The following CCSER2 variants were observed in gnomAD, a reference collection of about 807,000 sequenced individuals.
CCSER2 encodes serine-rich coiled-coil domain-containing protein 2.
Under a neutral mutation model 92.3 loss-of-function variants are expected in CCSER2, and 46 were observed. That is an observed-to-expected ratio of 0.50 (90% CI 0.39 to 0.64). The LOEUF is 0.64. CCSER2 is among the 30% of genes least tolerant of loss of function. CCSER2 has a pLI of 0.00. For missense variants in CCSER2, 1,244 were observed against 1,238.9 expected (o/e 1.00, Z -0.06); for synonymous variants, 433 against 431.4 (o/e 1.00, Z -0.04).
chr10:84,505,436 A>G (rs1428302731), intron 9 of CCSER2, among the ~76,000 whole-genome samples: 1 of 152,158 alleles, frequency 6.6e-6, no homozygotes, highest in Non-Finnish European at 1.5e-5. Flanking sequence ...CATGCTCATA[A>G]TGTATAAATT....
In CCSER2 at chr10:84,425,893, G is replaced by T. The variant is rs367802673; in HGVS notation, c.1868G>T (p.Arg623Ile). Reference protein sequence around the residue: ...YHHHGKSDLSRGSPYRESPLG... With the variant: ...YHHHGKSDLSIGSPYRESPLG... Reference sequence around the variant, plus strand: ...CACCATGGAAAAAGTGACTTGAGCAGGTAAGTACTGTTCTGACTTAGATTT... The same window carrying T: ...CACCATGGAAAAAGTGACTTGAGCATGTAAGTACTGTTCTGACTTAGATTT... Residue 623 changes from arginine to isoleucine, a missense_variant and splice_region_variant, in exon 5 of 10, where the codon AGA becomes ATA. Transcript: ENST00000372088. The T allele has an allele frequency of 2.7e-5, 43 of 1,578,746 alleles. No individual in the cohort carries two copies. Among genetic ancestry groups the T allele is most frequent in the Non-Finnish European group, 3.5e-5 (40 of 1,158,984 alleles).
intron 3 of CCSER2, chr10:84,391,230 A>T: frequency 8.1e-7 from 1 of 1,240,988 alleles, no homozygotes; most frequent in Non-Finnish European, 1.2e-6. Context: ...CAATGAGGAA[A>T]ACTTGCCCAA....
rs149221387 is a variant in CCSER2, at chr10:84,490,566, C to T, written c.2325+12902C>T. ...AAGCTTGTGCATTCGTCACGTAGTT[C>T]TCGTGCCATGGTTTTCAGCTCCATC... On this transcript the variant is annotated intron_variant, in intron 9 of 9. Transcript: ENST00000372088. Among the ~76,000 whole-genome samples, 993 of 152,298 alleles carry T rather than the reference C, an allele frequency of 6.5e-3. 13 individuals are homozygous for T. Among genetic ancestry groups the T allele is most frequent in the African/African-American group, 0.022 (911 of 41,546 alleles).
intron 1 of CCSER2, among the ~76,000 whole-genome samples, chr10:84,347,403 G>A (rs984656007): frequency 1.3e-5 from 2 of 151,280 alleles, no homozygotes; most frequent in African/African-American, 4.9e-5. Flanking sequence ...GGCCGGGGAG[G>A]GGGGGTGCTG....
chr10:84,373,838 T>C (rs776567942), intron 3 of CCSER2, 23 bp downstream of exon 3: 3 of 1,613,078 alleles, frequency 1.9e-6, no homozygotes, highest in Non-Finnish European at 2.5e-6. Flanking sequence ...TTATATACTC[T>C]TGGAATATTT....
At chr10:84,362,837 T>C (rs1845574521) in intron 1 of CCSER2, among the ~76,000 whole-genome samples, 1 of 151,404 alleles carries the variant, frequency 6.6e-6, no homozygotes, top group Admixed American at 6.6e-5. Flanking sequence ...TATTTTAATT[T>C]ATTTTATTTT....
intron 1 of CCSER2, among the ~76,000 whole-genome samples, chr10:84,348,417 G>A (rs1257031283): frequency 2.0e-5 from 3 of 152,148 alleles, no homozygotes; most frequent in Middle Eastern, 3.2e-3. Context: ...GTCCAGCTTC[G>A]GCTCGGCATC....
rs189225485 is a variant in CCSER2 at position 84,422,353 on chromosome 10, T to C, written c.1706-3378T>C. ...CACTTGCGGGGTCTAAGGTTGATAT[T>C]TTAGTGCCTGTATCAATAAAACATT... On this transcript the variant is annotated intron_variant, in intron 4 of 9. Transcript: ENST00000372088. Among the ~76,000 whole-genome samples, 9 of 152,318 alleles carry C rather than the reference T, an allele frequency of 5.9e-5. No homozygotes were observed. The East Asian group carries it at 1.7e-3, about 29-fold the overall frequency.
chr10:84,465,951 C>T (rs1846398502), intron 7 of CCSER2, among the ~76,000 whole-genome samples: 2 of 152,048 alleles, frequency 1.3e-5, no homozygotes, highest in African/African-American at 4.8e-5. Flanking sequence ...GGGGTTTCAC[C>T]GTGGTCTCAA....
At chr10:84,339,851 ATTTTTTTG>A (rs1312962762) in intron 1 of CCSER2, among the ~76,000 whole-genome samples, 2 of 137,604 alleles carry the variant, frequency 1.5e-5, no homozygotes, top group Non-Finnish European at 3.2e-5. Context: ...TTATTTTTTT[ATTTTTTTG>A]AGACGGAGTT....
chr10:84,412,048 C>T (rs1842677860), intron 3 of CCSER2, among the ~76,000 whole-genome samples: 1 of 152,110 alleles, frequency 6.6e-6, no homozygotes, highest in Admixed American at 6.5e-5. Flanking sequence ...AGGGTCTTTT[C>T]TGCATTTATT....
chr10:84,365,274 A>G (rs900120601), intron 1 of CCSER2, among the ~76,000 whole-genome samples: 3 of 152,234 alleles, frequency 2.0e-5, no homozygotes, highest in Non-Finnish European at 2.9e-5. Context: ...TGGATTTTTT[A>G]GACACCTAAC....
At chr10:84,346,479 T>A (rs1463901404) in intron 1 of CCSER2, among the ~76,000 whole-genome samples, 2 of 152,124 alleles carry the variant, frequency 1.3e-5, no homozygotes, top group African/African-American at 4.8e-5. Context: ...AACATGATTT[T>A]AAAAATAAAA....
chr10:84,345,302 G>C (rs974416522), intron 1 of CCSER2, among the ~76,000 whole-genome samples: 11 of 152,176 alleles, frequency 7.2e-5, no homozygotes, highest in Admixed American at 5.2e-4. Flanking sequence ...TAGGAGAATT[G>C]ACAGCAAGAA....
intron 3 of CCSER2, among the ~76,000 whole-genome samples, chr10:84,387,622 G>A (rs1841292607): frequency 1.3e-5 from 2 of 151,754 alleles, no homozygotes; most frequent in Non-Finnish European, 2.9e-5. Flanking sequence ...TCCGCCTCCT[G>A]GGTTCACGCC....
At position 84,512,382 on chromosome 10, in the gene CCSER2, G is replaced by A. The variant is rs560556268; in HGVS notation, c.2326-1067G>A. Among the ~76,000 whole-genome samples the A allele has an allele frequency of 3.0e-4, 30 of 101,426 alleles. No homozygotes were observed. The East Asian group carries it at 4.3e-3, about 15-fold the overall frequency. The allele number at this position is 101,426 out of a possible 152,430, so 66.5% of individuals were successfully genotyped here. A position where few individuals can be genotyped will look rare whatever the true frequency, so the allele number is the denominator to read the frequency against. On this transcript the variant is annotated intron_variant, in intron 9 of 9. Transcript: ENST00000372088. ...TTATTTAAACAGTGTGTGTGTGTGT[G>A]TGTGTGTGTGTGTGAGAGAGAGAGA...
intron 9 of CCSER2, among the ~76,000 whole-genome samples, chr10:84,479,168 CAAAAGTAACTATAAA>C (rs766686381): frequency 1.3e-5 from 2 of 152,092 alleles, no homozygotes; most frequent in African/African-American, 2.4e-5. Flanking sequence ...CCTCATCAGA[CAAAAGTAACTATAAA>C]AAAAGTAACT....
chr10:84,369,080 G>T (rs1245552258), intron 1 of CCSER2, among the ~76,000 whole-genome samples: 1 of 150,620 alleles, frequency 6.6e-6, no homozygotes, highest in Non-Finnish European at 1.5e-5. Flanking sequence ...TTGGTTGATG[G>T]GTACTTAGGT....
chr10:84,373,948 A>G, intron 3 of CCSER2, 133 bp downstream of exon 3: 3 of 1,480,158 alleles, frequency 2.0e-6, no homozygotes, highest in Non-Finnish European at 1.8e-6. Flanking sequence ...ATATTTGTTA[A>G]GAGCCTATAA....
Sources: allele counts gnomAD v4.1 joint callset (sites outside exome capture counted in the v4.1 genomes callset), GRCh38; gene constraint gnomAD v4.1.1; transcripts MANE v1.5; gene names NCBI Gene and HGNC (gene_info 2026-07-23, HGNC 2026-07-21).